Variants in SMYD3 observed in about 807,000 individuals in gnomAD.
The protein encoded by SMYD3 is histone-lysine N-methyltransferase SMYD3.
Under a neutral mutation model 57.7 loss-of-function variants are expected in SMYD3, and 36 were observed. That is an observed-to-expected ratio of 0.62 (90% CI 0.48 to 0.82). SMYD3 has a LOEUF of 0.82. SMYD3 is among the 40% of genes least tolerant of loss of function. The pLI is 0.00. For missense variants in SMYD3, 515 were observed against 538.8 expected (o/e 0.96, Z 0.44); for synonymous variants, 211 against 195.0 (o/e 1.08, Z -0.68).
At chr1:246,293,922 T>A (rs568153091) in intron 5 of SMYD3, among the ~76,000 whole-genome samples, 5 of 152,306 alleles carry the variant, frequency 3.3e-5, no homozygotes, top group Admixed American at 1.3e-4. Context: ...ATGAACCTTT[T>A]CAGTCCTCAC....
intron 5 of SMYD3, among the ~76,000 whole-genome samples, chr1:246,117,467 T>C (rs189661159): frequency 2.0e-5 from 3 of 152,192 alleles, no homozygotes; most frequent in Admixed American, 1.3e-4. Context: ...CCAGGATGAC[T>C]GATTATCTCA....
At chr1:246,273,167 G>GC (rs1252707430) in intron 5 of SMYD3, among the ~76,000 whole-genome samples, 1 of 60,040 alleles carries the variant, frequency 1.7e-5, no homozygotes, top group Non-Finnish European at 3.1e-5. Flanking sequence ...TTTTTGGGGG[G>GC]GGGACAGAGT....
intron 1 of SMYD3, among the ~76,000 whole-genome samples, chr1:246,400,645 G>A (rs1037356034): frequency 9.2e-5 from 14 of 152,118 alleles, no homozygotes; most frequent in Non-Finnish European, 1.6e-4. Context: ...ATCTTTTGAT[G>A]CAGTATAGTT....
chr1:246,114,678 T>C (rs996759759), intron 5 of SMYD3, among the ~76,000 whole-genome samples: 5 of 152,222 alleles, frequency 3.3e-5, no homozygotes, highest in Non-Finnish European at 5.9e-5. Flanking sequence ...GTCGCCAGGC[T>C]GGAGTGCTGT....
At chr1:246,248,931 C>A (rs1296521020) in intron 5 of SMYD3, among the ~76,000 whole-genome samples, 1 of 150,498 alleles carries the variant, frequency 6.6e-6, no homozygotes, top group African/African-American at 2.5e-5. Context: ...GCTGGGATTA[C>A]AGGCATGAGC....
At chr1:246,114,134 G>T (rs750053398) in intron 5 of SMYD3, among the ~76,000 whole-genome samples, 1 of 111,634 alleles carries the variant, frequency 9.0e-6, no homozygotes, top group African/African-American at 6.4e-5. Flanking sequence ...GGCTCTGACA[G>T]GGGACAGTTT....
chr1:245,888,244 A>C (rs2053192508), intron 8 of SMYD3, among the ~76,000 whole-genome samples: 1 of 152,232 alleles, frequency 6.6e-6, no homozygotes, highest in African/African-American at 2.4e-5. Context: ...TTCAGTAGTA[A>C]AGCCAACCCA....
chr1:245,832,485 GTT>G (rs10578766), intron 10 of SMYD3, among the ~76,000 whole-genome samples: 114,417 of 148,952 alleles, frequency 0.77, 46,459 homozygotes, highest in Non-Finnish European at 0.91. Flanking sequence ...TGTTTTTTTT[GTT>G]TTTTTTTTTT....
chr1:246,253,614 T>A (rs1047315957), intron 5 of SMYD3, among the ~76,000 whole-genome samples: 16 of 152,204 alleles, frequency 1.1e-4, no homozygotes, highest in African/African-American at 3.9e-4. Flanking sequence ...TTTCTACTTG[T>A]TTGCGTCATT....
chr1:245,799,945 A>C (rs568530959), intron 10 of SMYD3, among the ~76,000 whole-genome samples: 1 of 152,314 alleles, frequency 6.6e-6, no homozygotes, highest in South Asian at 2.1e-4. Flanking sequence ...ATTCACACCA[A>C]TGTGCAAACA....
intron 1 of SMYD3, among the ~76,000 whole-genome samples, chr1:246,367,728 A>G (rs964969942): frequency 2.0e-5 from 3 of 152,144 alleles, no homozygotes; most frequent in Non-Finnish European, 4.4e-5. Context: ...CACCATGCCC[A>G]GCCAAAAAAT....
chr1:246,147,999 G>A lies in SMYD3; in HGVS notation c.531+179202C>T, dbSNP rs572627341. On this transcript the variant is annotated intron_variant, in intron 5 of 11. Coordinates refer to ENST00000490107, the MANE Select transcript of SMYD3 (RefSeq NM_001167740.2). ...CAGATGCCTGCTCTGATCTCCGACC[G>A]GGGTTGGGGCCGAGCCCGGGGCAGC... Among the ~76,000 whole-genome samples, 404 of 152,184 alleles carry A rather than the reference G, an allele frequency of 2.7e-3. 1 individual carries two copies. Among genetic ancestry groups the A allele is most frequent in the African/African-American group, 9.1e-3 (380 of 41,532 alleles).
intron 5 of SMYD3, among the ~76,000 whole-genome samples, chr1:246,077,923 T>C (rs997564655): frequency 6.6e-6 from 1 of 152,188 alleles, no homozygotes; most frequent in Non-Finnish European, 1.5e-5. Flanking sequence ...AAACAAAATC[T>C]GTCTTCCTTT....
intron 5 of SMYD3, among the ~76,000 whole-genome samples, chr1:246,251,382 A>G (rs1401323580): frequency 2.0e-5 from 3 of 152,232 alleles, no homozygotes; most frequent in African/African-American, 7.2e-5. Context: ...TCTCAAGTGC[A>G]AGAACCTCCA....
intron 5 of SMYD3, among the ~76,000 whole-genome samples, chr1:245,952,055 T>TAATC (rs10647909): frequency 0.19 from 29,574 of 151,968 alleles, 3,915 homozygotes; most frequent in East Asian, 0.48. Flanking sequence ...AGATTAGAAT[T>TAATC]TGCCGTTTCT....
In SMYD3 at chr1:246,486,992, C is replaced by G. The variant is rs111505503; in HGVS notation, c.164+20062G>C. ...CAAGACAACAAAATAAATAAAATTA[C>G]CCACCTATACTAATAGAAAATATGG... is the stretch of plus-strand genomic sequence containing the variant. On this transcript the variant is annotated intron_variant, in intron 1 of 11. Coordinates refer to ENST00000490107, the MANE Select transcript of SMYD3 (RefSeq NM_001167740.2). Among the ~76,000 whole-genome samples, 947 of 152,176 alleles carry G rather than the reference C, an allele frequency of 6.2e-3. 7 individuals carry two copies. The highest frequency in any genetic ancestry group is 0.022 in the African/African-American group (900 of 41,512).
intron 1 of SMYD3, among the ~76,000 whole-genome samples, chr1:246,498,912 C>T (rs909937909): frequency 1.3e-5 from 2 of 151,664 alleles, no homozygotes; most frequent in Non-Finnish European, 1.5e-5. Context: ...CCTCAGCCTC[C>T]CAAGTAACTG....
intron 5 of SMYD3, among the ~76,000 whole-genome samples, chr1:246,258,277 C>T (rs538230367): frequency 7.9e-5 from 12 of 152,098 alleles, no homozygotes; most frequent in East Asian, 7.8e-4. Flanking sequence ...CCTCGTGATC[C>T]GCCCACCTCG....
rs562779057 is a variant in SMYD3, at chr1:246,105,356, G to A, written c.532-175419C>T. Among the ~76,000 whole-genome samples, 26 of 152,020 alleles carry A rather than the reference G, an allele frequency of 1.7e-4. No homozygotes were observed. The South Asian group carries it at 5.4e-3, about 32-fold the overall frequency. ...TGAAATTTTCCTGTTGAGGATTAGG[G>A]TCATGTTTTATTTCACCAAAAAAAA... On this transcript the variant is annotated intron_variant, in intron 5 of 11. Coordinates refer to ENST00000490107, the MANE Select transcript of SMYD3 (RefSeq NM_001167740.2).
Sources: gnomAD v4.1 joint callset for allele counts (sites outside exome capture counted in the v4.1 genomes callset) on GRCh38, gnomAD v4.1.1 for gene constraint, MANE v1.5 for transcripts, NCBI Gene and HGNC (gene_info 2026-07-23, HGNC 2026-07-21) for gene names.